The following MYB variants were observed in gnomAD, a reference collection of about 807,000 sequenced individuals.
The protein encoded by MYB is transcriptional activator Myb.
A neutral mutation model predicts 92.9 loss-of-function variants in MYB; 28 were observed. The ratio of observed to expected loss-of-function variants is 0.30; its 90% CI spans 0.22 to 0.41. The LOEUF is 0.41. Among genes scored for constraint, MYB ranks in the 10% least tolerant of loss-of-function variants. MYB has a pLI of 1.00. For missense variants in MYB, 679 were observed against 929.3 expected (o/e 0.73, Z 3.50); for synonymous variants, 295 against 329.1 (o/e 0.90, Z 1.12).
At chr6:135,215,660 C>T (rs1780334304) in intron 15 of MYB, among the ~76,000 whole-genome samples, 2 of 152,134 alleles carry the variant, frequency 1.3e-5, no homozygotes, top group Admixed American at 6.6e-5. Flanking sequence ...CCCTCCCCCA[C>T]TCCACATCCC....
intron 15 of MYB, among the ~76,000 whole-genome samples, chr6:135,204,810 C>G (rs1316285558): frequency 6.6e-6 from 1 of 152,020 alleles, no homozygotes; most frequent in Non-Finnish European, 1.5e-5. Flanking sequence ...GGAGAAGACT[C>G]AGAATACCAC....
At chr6:135,197,575 C>T (rs540397857) in intron 10 of MYB, among the ~76,000 whole-genome samples, 6 of 152,298 alleles carry the variant, frequency 3.9e-5, no homozygotes, top group South Asian at 2.1e-4. Flanking sequence ...TTGCATGAAA[C>T]GTACTTTTAT....
Position 135,197,293 on chromosome 6 carries a change from T to C in MYB, c.1536T>C (p.Pro512=), listed in dbSNP as rs747936913. ...DVSSSTPKRS[P]VKSLPFSPSQ... ...GCAGTTCAACTCCCAAGCGTTCCCC[T>C]GTCAAAAGCCTACCCTTCTCTCCCT... Residue 512 remains proline (P), a synonymous_variant, in exon 10 of 16, where the codon CCT becomes CCC. Coordinates refer to ENST00000341911, the MANE Select transcript of MYB (RefSeq NM_001130173.2). The C allele has an allele frequency of 1.9e-6, 3 of 1,613,096 alleles. No individual in the cohort carries two copies. In the South Asian group the frequency reaches 3.3e-5, roughly 18 times the overall value.
intron 15 of MYB, 37 bp from the exon 16 acceptor site, chr6:135,217,827 T>C (rs1300706413): frequency 1.4e-6 from 2 of 1,436,176 alleles, no homozygotes; most frequent in African/African-American, 2.8e-5. Flanking sequence ...TGAGCTTCTT[T>C]GTCTGACGCT....
At chr6:135,204,569 C>T (rs1778611332) in intron 15 of MYB, among the ~76,000 whole-genome samples, 4 of 152,304 alleles carry the variant, frequency 2.6e-5, no homozygotes, top group Middle Eastern at 3.4e-3. Flanking sequence ...TCCTACAGTG[C>T]TGGGATTACA....
rs556004847 is a variant in MYB at position 135,191,047 on chromosome 6, C to T, written c.527+700C>T. Among the ~76,000 whole-genome samples the T allele has an allele frequency of 3.6e-4, 55 of 152,334 alleles. No individual in the cohort carries two copies. The South Asian group carries it at 3.7e-3, about 10-fold the overall frequency. On this transcript the variant is annotated intron_variant, in intron 5 of 15. Transcript: ENST00000341911. Reference sequence around the variant, plus strand: ...CTCCTGGCCTCAAACAATCCTTTCACCTCCCAAAGTGCTGGGATTATAGGC... The same window carrying T: ...CTCCTGGCCTCAAACAATCCTTTCATCTCCCAAAGTGCTGGGATTATAGGC...
Position 135,207,966 on chromosome 6 carries a change from A to G in MYB, c.2169+4642A>G, listed in dbSNP as rs149191558. On this transcript the variant is annotated intron_variant, in intron 15 of 15. Coordinates refer to ENST00000341911, the MANE Select transcript of MYB (RefSeq NM_001130173.2). ...GGTCTCGAACTGCTGACCTCAAGTG[A>G]TCCACCTGCCTCGGCCTCCCAAAGT... 4.0e-3 allele frequency among the ~76,000 whole-genome samples: 615 copies of G among 151,922 alleles called. 4 individuals carry two copies. The highest frequency in any genetic ancestry group is 0.014 in the African/African-American group (594 of 41,412).
intron 15 of MYB, among the ~76,000 whole-genome samples, chr6:135,208,279 G>A (rs184315187): frequency 2.4e-4 from 36 of 151,590 alleles, no homozygotes; most frequent in Admixed American, 1.3e-4. Context: ...GGGTTTCACC[G>A]TGTTAGCCAG....
At chr6:135,193,791 T>C (rs1424969296) in intron 6 of MYB, 47 bp from the exon 7 acceptor site, 2 of 1,349,262 alleles carry the variant, frequency 1.5e-6, no homozygotes, top group East Asian at 2.3e-5. Context: ...CCCTGAAGCA[T>C]ATGTAGCCCT....
In MYB at chr6:135,200,315, A is replaced by C; in HGVS notation, c.1850A>C (p.Glu617Ala). 1 of 1,614,178 alleles carries C rather than the reference A, an allele frequency of 6.2e-7. No individual in the cohort carries two copies. Residue 617 changes from glutamate (E) to alanine (A), a missense_variant, in exon 13 of 16, where the codon GAA (glutamate) becomes GCA (alanine). Coordinates refer to ENST00000341911, the MANE Select transcript of MYB (RefSeq NM_001130173.2). ...MLPQTPSHLVEDLQDVIKQES... is the reference protein window; with the variant it reads ...MLPQTPSHLVADLQDVIKQES... ...CCTCAGACACCCTCTCATCTAGTAGAAGATCTGCAGGATGTGATCAAACAG... is the reference window on the plus strand; with the variant it reads ...CCTCAGACACCCTCTCATCTAGTAGCAGATCTGCAGGATGTGATCAAACAG...
chr6:135,193,948 G>A (rs745849538), intron 7 of MYB, 30 bp downstream of exon 7: 1 of 1,519,290 alleles, frequency 6.6e-7, no homozygotes, highest in Non-Finnish European at 9.1e-7. Context: ...ACTGTTCAAA[G>A]CACCACTTTT....
At chr6:135,213,807 C>G (rs1390972224) in intron 15 of MYB, among the ~76,000 whole-genome samples, 3 of 152,104 alleles carry the variant, frequency 2.0e-5, no homozygotes, top group Admixed American at 1.3e-4. Flanking sequence ...TCAACTTTAA[C>G]CCCGGATATG....
rs764857443 is a variant in MYB at position 135,197,057 on chromosome 6, C to T, written c.1300C>T (p.Gln434Ter). The T allele has an allele frequency of 3.1e-6, 5 of 1,614,026 alleles. No individual in the cohort carries two copies. In the East Asian group the frequency reaches 8.9e-5, roughly 29 times the overall value. ...TCACACAGGCAAAGCCCTACAGCTT[C>T]AGCAAAGAGAGGGCAATGGGACTAA... ...QHHTGKALQLQQREGNGTKPA... is the reference protein window; with the variant it reads ...QHHTGKALQL The change falls in exon 10 of 16, where the codon CAG becomes TAG. Residue 434 changes from glutamine to a stop codon, truncating the protein, a stop_gained. Coordinates refer to ENST00000341911, the MANE Select transcript of MYB (RefSeq NM_001130173.2). LOFTEE classifies it high-confidence loss of function.
At chr6:135,186,367 G>A (rs1775914997) in intron 2 of MYB, among the ~76,000 whole-genome samples, 1 of 152,168 alleles carries the variant, frequency 6.6e-6, no homozygotes, top group Non-Finnish European at 1.5e-5. Flanking sequence ...GGACAGGATT[G>A]GATGCATCCT....
At chr6:135,199,758 T>C (rs1777812152) in intron 11 of MYB, among the ~76,000 whole-genome samples, 2 of 152,238 alleles carry the variant, frequency 1.3e-5, no homozygotes, top group African/African-American at 4.8e-5. Flanking sequence ...TAGGGAAACC[T>C]GATTTGTAAA....
In MYB at chr6:135,190,161, G is replaced by A. The variant is rs774287821; in HGVS notation, c.341G>A (p.Arg114His). Reference protein sequence around the residue: ...IELVQKYGPKRWSVIAKHLKG... With the variant: ...IELVQKYGPKHWSVIAKHLKG... ...CTTGTACAGAAATACGGTCCGAAAC[G>A]TTGGTCTGTTATTGCCAAGCACTTA... is the stretch of plus-strand genomic sequence containing the variant. The change falls in exon 5 of 16, where the codon CGT becomes CAT. Residue 114 changes from arginine to histidine, a missense_variant. Arg to His is a conservative substitution (Grantham distance 29). This residue lies in a region of MYB where 88 missense variants were observed against 145.6 expected (regional missense o/e 0.60). Coordinates refer to ENST00000341911, the MANE Select transcript of MYB (RefSeq NM_001130173.2). The surrounding 1 kb of genome is among the most constrained non-coding windows in gnomAD (Gnocchi z 4.5). 11 of 1,614,042 alleles carry A rather than the reference G, an allele frequency of 6.8e-6. No homozygotes were observed. The highest frequency in any genetic ancestry group is 1.6e-4 in the Middle Eastern group (1 of 6,084).
At chr6:135,186,216 A>C (rs1203537567) in intron 2 of MYB, among the ~76,000 whole-genome samples, 196 bp downstream of exon 2, 1 of 152,136 alleles carries the variant, frequency 6.6e-6, no homozygotes, top group Non-Finnish European at 1.5e-5. Context: ...CAGTTCTTTG[A>C]ATGTCCTCTT....
chr6:135,194,315 A>G (rs771416707), intron 7 of MYB, 41 bp from the exon 8 acceptor site: 15 of 1,469,782 alleles, frequency 1.0e-5, no homozygotes, highest in Non-Finnish European at 1.2e-5. Context: ...GCAGCTTCCA[A>G]TCAGACCTTT....
In MYB at chr6:135,187,914, G is replaced by A; in HGVS notation, c.213+9G>A. 3.1e-6 allele frequency: 5 copies of A among 1,598,828 alleles called. No homozygotes were observed. Among genetic ancestry groups the A allele is most frequent in the Non-Finnish European group, 4.3e-6 (5 of 1,168,428 alleles). On this transcript the variant is annotated intron_variant, in intron 3 of 15. Transcript: ENST00000341911. Reference sequence around the variant, plus strand: ...TTGCCAATTATCTCCCGGTAAGTTAGTAAGTTTTTCTTATAACGAAAGGAA... The same window carrying A: ...TTGCCAATTATCTCCCGGTAAGTTAATAAGTTTTTCTTATAACGAAAGGAA...
Sources: allele counts gnomAD v4.1 joint callset (sites outside exome capture counted in the v4.1 genomes callset), GRCh38; gene constraint gnomAD v4.1.1; regional missense constraint gnomAD v4.1.1; non-coding constraint Gnocchi (gnomAD v3.1); transcripts MANE v1.5; gene names NCBI Gene and HGNC (gene_info 2026-07-23, HGNC 2026-07-21).